The following SGCD variants were observed in gnomAD, a reference collection of about 807,000 sequenced individuals.
SGCD encodes sarcoglycan delta.
In SGCD, 18 loss-of-function variants were observed where a neutral mutation model predicts 36.6. That is an observed-to-expected ratio of 0.49 (90% CI 0.34 to 0.73). The LOEUF is 0.73. Among genes scored for constraint, SGCD ranks in the 30% least tolerant of loss-of-function variants. The pLI is 0.01. For synonymous variants in SGCD, 133 were observed against 130.6 expected, an observed-to-expected ratio of 1.02 and a Z score of -0.12; for missense variants, 387 against 346.7, an observed-to-expected ratio of 1.12 and a Z score of -0.92.
At chr5:156,742,331 G>C (rs979502564) in intron 7 of SGCD, among the ~76,000 whole-genome samples, 1 of 151,888 alleles carries the variant, frequency 6.6e-6, no homozygotes, top group Non-Finnish European at 1.5e-5. Context: ...TCTTCAAGTC[G>C]ACATATTTCA....
chr5:155,773,274 G>A, the SGCD span, among the ~76,000 whole-genome samples: 1 of 152,128 alleles, frequency 6.6e-6, no homozygotes, highest in Admixed American at 6.6e-5. Context: ...CTTTCTTTAT[G>A]CCATACCTTG....
chr5:156,463,176 C>T (rs1754564746), intron 3 of SGCD, among the ~76,000 whole-genome samples: 1 of 152,084 alleles, frequency 6.6e-6, no homozygotes, highest in South Asian at 2.1e-4. Context: ...CGGAGTCTCA[C>T]ACTGTCGCCC....
chr5:156,362,911 A>T (rs1451733962), intron 3 of SGCD, among the ~76,000 whole-genome samples: 1 of 152,200 alleles, frequency 6.6e-6, no homozygotes, highest in African/African-American at 2.4e-5. Flanking sequence ...ACTCTTGAGA[A>T]ATTGAAGGAC....
the SGCD span, among the ~76,000 whole-genome samples, chr5:155,734,291 C>A: frequency 1.3e-5 from 2 of 151,538 alleles, no homozygotes; most frequent in African/African-American, 4.9e-5. Flanking sequence ...CTGCAACATC[C>A]ACCTCCTGGG....
At chr5:156,279,006 T>G (rs1766384367) in intron 3 of SGCD, among the ~76,000 whole-genome samples, 1 of 152,234 alleles carries the variant, frequency 6.6e-6, no homozygotes. Context: ...GAGGTGCTAA[T>G]GGCATCTAGT....
At chr5:156,714,410 A>G (rs561196317) in intron 7 of SGCD, among the ~76,000 whole-genome samples, 1 of 152,366 alleles carries the variant, frequency 6.6e-6, no homozygotes, top group South Asian at 2.1e-4. Context: ...TATAGAGAAA[A>G]ATATGTGTTA....
chr5:155,741,701 T>A, the SGCD span, among the ~76,000 whole-genome samples: 2 of 151,088 alleles, frequency 1.3e-5, no homozygotes, highest in East Asian at 3.9e-4. Context: ...TTTTTTTTTT[T>A]TTTTAATTAG....
At chr5:156,321,859 C>T (rs1268630318), upstream of SGCD, among the ~76,000 whole-genome samples, 2 of 152,192 alleles carry the variant, frequency 1.3e-5, no homozygotes, top group Non-Finnish European at 2.9e-5. Context: ...GCCTTCACAT[C>T]CACTTCTTGG....
At chr5:156,183,385 A>C (rs1763655165) in intron 3 of SGCD, among the ~76,000 whole-genome samples, 1 of 152,184 alleles carries the variant, frequency 6.6e-6, no homozygotes, top group Non-Finnish European at 1.5e-5. Context: ...CCTAGTCATA[A>C]TAATACAATA....
intron 1 of SGCD, among the ~76,000 whole-genome samples, chr5:155,916,883 A>G (rs1021478070): frequency 3.3e-5 from 5 of 152,192 alleles, no homozygotes; most frequent in Admixed American, 2.0e-4. Flanking sequence ...TTCCAGACCC[A>G]ATGAGAGATG....
intron 3 of SGCD, among the ~76,000 whole-genome samples, chr5:156,286,064 C>G (rs1044799618): frequency 2.6e-5 from 4 of 152,246 alleles, no homozygotes; most frequent in African/African-American, 9.6e-5. Flanking sequence ...CCAAAAGACA[C>G]ATCAAAAAAT....
chr5:155,831,782 G>T, the SGCD span, among the ~76,000 whole-genome samples: 1 of 152,216 alleles, frequency 6.6e-6, no homozygotes, highest in Non-Finnish European at 1.5e-5. Flanking sequence ...AGAGTCTGTA[G>T]GGAGAGCGGA....
At chr5:155,944,131 G>C (rs1030384594) in intron 1 of SGCD, among the ~76,000 whole-genome samples, 1 of 152,218 alleles carries the variant, frequency 6.6e-6, no homozygotes, top group Middle Eastern at 3.4e-3. Flanking sequence ...TTTCTCATGG[G>C]ATGCAGACCA....
chr5:156,709,226 G>A (rs1354339595), intron 7 of SGCD, among the ~76,000 whole-genome samples: 1 of 152,216 alleles, frequency 6.6e-6, no homozygotes, highest in African/African-American at 2.4e-5. Context: ...AGGTCATGAA[G>A]ACCATCTGGT....
chr5:156,298,520 A>G (rs1218215360), intron 3 of SGCD, among the ~76,000 whole-genome samples: 1 of 150,246 alleles, frequency 6.7e-6, no homozygotes, highest in Non-Finnish European at 1.5e-5. Context: ...ATGATCAATG[A>G]TACTGAGCAC....
chr5:156,633,369 C>T (rs1437625692), intron 6 of SGCD, among the ~76,000 whole-genome samples: 6 of 152,116 alleles, frequency 3.9e-5, no homozygotes, highest in Admixed American at 2.0e-4. Flanking sequence ...TGTGCATAAC[C>T]GAACTTTATT....
the SGCD span, among the ~76,000 whole-genome samples, chr5:155,796,937 A>G: frequency 3.3e-5 from 5 of 152,070 alleles, no homozygotes; most frequent in Admixed American, 1.3e-4. Flanking sequence ...TAATTGAAGA[A>G]AAAAGCAAAT....
Position 156,266,917 on chromosome 5 carries a change from G to A in SGCD, c.-43-62617G>A, listed in dbSNP as rs535448998. On this transcript the variant is annotated intron_variant, in intron 3 of 9. Coordinates refer to the SGCD transcript ENST00000517913. Reference sequence around the variant, plus strand: ...GAAAGCTCAGCATGTTGGGTCTCCGGACGCTTTGAAAAATTGAAAGAAAAA... The same window carrying A: ...GAAAGCTCAGCATGTTGGGTCTCCGAACGCTTTGAAAAATTGAAAGAAAAA... Among the ~76,000 whole-genome samples, 10 of 152,046 alleles carry A rather than the reference G, an allele frequency of 6.6e-5. No individual in the cohort carries two copies. The East Asian group carries it at 1.9e-3, about 29-fold the overall frequency.
chr5:156,137,297 G>A (rs1762483144), intron 3 of SGCD, among the ~76,000 whole-genome samples: 1 of 152,196 alleles, frequency 6.6e-6, no homozygotes, highest in Admixed American at 6.5e-5. Context: ...CCACCCATGT[G>A]CCCATGAAGC....
Sources: allele counts gnomAD v4.1 joint callset (sites outside exome capture counted in the v4.1 genomes callset), GRCh38; gene constraint gnomAD v4.1.1; transcripts MANE v1.5; gene names NCBI Gene and HGNC (gene_info 2026-07-23, HGNC 2026-07-21).